Variants in ALPK1 observed in about 807,000 individuals in gnomAD.
ALPK1 encodes alpha-protein kinase 1.
Under a neutral mutation model 120.6 loss-of-function variants are expected in ALPK1, and 110 were observed. The ratio of observed to expected loss-of-function variants is 0.91; its 90% confidence interval spans 0.78 to 1.07. The LOEUF (loss-of-function observed/expected upper bound fraction) is 1.07, where lower values mean the gene tolerates loss of function less well. Among genes scored for constraint, ALPK1 ranks in the 50% least tolerant of loss-of-function variants. ALPK1 has a pLI of 0.00. For synonymous variants in ALPK1, 582 were observed against 560.3 expected, an observed-to-expected ratio of 1.04 and a Z score of -0.55; for missense variants, 1,498 against 1,483.9, an observed-to-expected ratio of 1.01 and a Z score of -0.16.
chr4:112,401,760 C>T (rs1314899152), intron 4 of ALPK1, among the ~76,000 whole-genome samples: 2 of 152,120 alleles, frequency 1.3e-5, no homozygotes, highest in African/African-American at 4.8e-5. Flanking sequence ...AACAGATGGC[C>T]AACTCCATAT....
intron 2 of ALPK1, chr4:112,359,192 C>A (rs939366235): frequency 9.8e-6 from 6 of 609,820 alleles, no homozygotes; most frequent in East Asian, 6.4e-5. Flanking sequence ...GGCCACCCCC[C>A]ACAGGAGACC....
At chr4:112,310,128 CT>C (rs1728327706) in intron 1 of ALPK1, among the ~76,000 whole-genome samples, 1 of 152,092 alleles carries the variant, frequency 6.6e-6, no homozygotes, top group African/African-American at 2.4e-5. Context: ...TGGATCTCTA[CT>C]GTCCTGCTCA....
At chr4:112,419,777 C>G (rs1463717475) in intron 5 of ALPK1, among the ~76,000 whole-genome samples, 1 of 152,192 alleles carries the variant, frequency 6.6e-6, no homozygotes, top group African/African-American at 2.4e-5. Context: ...AGCAGTTTAG[C>G]ACTGGTGAGT....
chr4:112,409,979 G>A (rs1163242695), intron 4 of ALPK1, among the ~76,000 whole-genome samples: 2 of 152,156 alleles, frequency 1.3e-5, no homozygotes, highest in Non-Finnish European at 2.9e-5. Flanking sequence ...TGTTAAGTAA[G>A]CATCAGTTTT....
intron 2 of ALPK1, among the ~76,000 whole-genome samples, chr4:112,332,205 A>G (rs766329761): frequency 6.6e-6 from 1 of 152,204 alleles, no homozygotes; most frequent in Non-Finnish European, 1.5e-5. Flanking sequence ...CCTTCCTTAA[A>G]TATAAAGCCT....
At chr4:112,339,580 A>C (rs565413040) in intron 2 of ALPK1, among the ~76,000 whole-genome samples, 3 of 152,252 alleles carry the variant, frequency 2.0e-5, no homozygotes, top group Non-Finnish European at 4.4e-5. Flanking sequence ...CATCAGTAGA[A>C]TATAGACTTC....
intron 2 of ALPK1, among the ~76,000 whole-genome samples, chr4:112,366,497 G>T (rs962613925): frequency 1.3e-5 from 2 of 152,172 alleles, no homozygotes; most frequent in African/African-American, 2.4e-5. Context: ...TAGCCATTAT[G>T]TGATACCACC....
At chr4:112,412,920 C>T (rs1459191567) in intron 5 of ALPK1, among the ~76,000 whole-genome samples, 1 of 152,156 alleles carries the variant, frequency 6.6e-6, no homozygotes, top group Non-Finnish European at 1.5e-5. Flanking sequence ...TTGCTGAATG[C>T]AGAGAGGGAC....
At chr4:112,298,227 A>T (rs886180196) in intron 1 of ALPK1, among the ~76,000 whole-genome samples, 6 of 151,896 alleles carry the variant, frequency 4.0e-5, no homozygotes, top group African/African-American at 1.5e-4. Context: ...CCACAATATA[A>T]TAGCATCTCT....
At chr4:112,375,165 G>A (rs1308350073) in intron 2 of ALPK1, among the ~76,000 whole-genome samples, 1 of 147,882 alleles carries the variant, frequency 6.8e-6, no homozygotes, top group African/African-American at 2.5e-5. Context: ...AGCCACCTTT[G>A]TCAGTGATGT....
intron 4 of ALPK1, among the ~76,000 whole-genome samples, chr4:112,393,666 C>G (rs1251749463): frequency 6.6e-6 from 1 of 152,142 alleles, no homozygotes; most frequent in Non-Finnish European, 1.5e-5. Context: ...TGTTCAAAAA[C>G]AAACTTCTCA....
At chr4:112,409,704 T>G (rs571841446) in intron 4 of ALPK1, among the ~76,000 whole-genome samples, 1 of 152,248 alleles carries the variant, frequency 6.6e-6, no homozygotes, top group African/African-American at 2.4e-5. Flanking sequence ...CATGCCCACT[T>G]TATTCTTCTA....
intron 11 of ALPK1, among the ~76,000 whole-genome samples, chr4:112,434,863 A>T (rs918056803): frequency 6.6e-6 from 1 of 152,166 alleles, no homozygotes; most frequent in South Asian, 2.1e-4. Flanking sequence ...CACTACTTTC[A>T]TATAGAATCT....
At chr4:112,315,102 G>A (rs1420846839) in intron 1 of ALPK1, among the ~76,000 whole-genome samples, 2 of 151,870 alleles carry the variant, frequency 1.3e-5, no homozygotes, top group African/African-American at 4.8e-5. Flanking sequence ...GACTGGTCTT[G>A]AACTCTTGAC....
At chr4:112,313,626 G>C (rs1356173063) in intron 1 of ALPK1, among the ~76,000 whole-genome samples, 3 of 152,198 alleles carry the variant, frequency 2.0e-5, no homozygotes, top group African/African-American at 4.8e-5. Flanking sequence ...GGGAGGCTGA[G>C]GCACAAGAAT....
intron 1 of ALPK1, among the ~76,000 whole-genome samples, chr4:112,309,452 C>T (rs924989416): frequency 6.6e-5 from 10 of 152,150 alleles, no homozygotes; most frequent in African/African-American, 1.9e-4. Context: ...CAATGGCAGA[C>T]GCCCCTCCCC....
chr4:112,430,722 T>C lies in ALPK1; in HGVS notation c.1175T>C (p.Phe392Ser). The change falls in exon 11 of 16, where the codon TTC becomes TCC. Residue 392 changes from phenylalanine to serine, a missense_variant. By Grantham distance (155) the Phe-to-Ser change is radical. Transcript: ENST00000650871. ...GAAGCAATGGGGAAGCTGTACAATT[T>C]CAGCACTTCCTCCAGAAGTCAGGAC... ...CKEAMGKLYNFSTSSRSQDRE... is the reference protein window; with the variant it reads ...CKEAMGKLYNSSTSSRSQDRE... 1.9e-6 allele frequency: 3 copies of C among 1,614,228 alleles called. No homozygotes were observed. The highest frequency in any genetic ancestry group is 1.7e-6 in the Non-Finnish European group (2 of 1,180,040).
chr4:112,314,018 AG>A (rs1728529770), intron 1 of ALPK1, among the ~76,000 whole-genome samples: 1 of 152,254 alleles, frequency 6.6e-6, no homozygotes, highest in African/African-American at 2.4e-5. Flanking sequence ...GGAGAGCAAA[AG>A]CTTGACGATG....
In ALPK1 at chr4:112,377,832, G is replaced by T. The variant is rs199994656; in HGVS notation, c.55G>T (p.Asp19Tyr). The T allele has an allele frequency of 1.9e-6, 3 of 1,613,462 alleles. No individual in the cohort carries two copies. In the Admixed American group the frequency reaches 5.0e-5, roughly 27 times the overall value. ...VLLQECKQVL[D>Y]QLLLEAPDVS... ...ACTGCAAGAGTGCAAGCAAGTGCTG[G>T]ATCAGCTCTTGTTGGAAGCGCCAGA... The change falls in exon 3 of 16, where the codon GAT (aspartate) becomes TAT (tyrosine). Residue 19 changes from aspartate (D) to tyrosine (Y), a missense_variant. Transcript: ENST00000650871.
Sources: allele counts gnomAD v4.1 joint callset (sites outside exome capture counted in the v4.1 genomes callset), GRCh38; gene constraint gnomAD v4.1.1; transcripts MANE v1.5; gene names NCBI Gene and HGNC (gene_info 2026-07-23, HGNC 2026-07-21).